Variants in STAMBP observed in about 807,000 individuals in gnomAD.
STAMBP encodes the protein STAM-binding protein.
Under a neutral mutation model 50.7 loss-of-function variants are expected in STAMBP, and 31 were observed. That is an observed-to-expected ratio of 0.61 (90% confidence interval 0.46 to 0.83). STAMBP has a LOEUF of 0.83. STAMBP is among the 40% of genes least tolerant of loss of function. The pLI, the probability that STAMBP is intolerant of heterozygous loss-of-function variation, is 0.00. For synonymous variants in STAMBP, 211 were observed against 192.4 expected (o/e 1.10, Z -0.80); for missense variants, 472 against 518.9 (o/e 0.91, Z 0.88).
chr2:73,843,226 C>T (rs1675637148), intron 2 of STAMBP, among the ~76,000 whole-genome samples: 1 of 134,374 alleles, frequency 7.4e-6, no homozygotes, highest in Non-Finnish European at 1.5e-5. Context: ...GAGATAGGAT[C>T]TCCCTCTGTC....
chr2:73,833,527 A>T (rs1388923095), intron 2 of STAMBP, among the ~76,000 whole-genome samples: 1 of 152,152 alleles, frequency 6.6e-6, no homozygotes, highest in Non-Finnish European at 1.5e-5. Flanking sequence ...TAGAAAGAAT[A>T]TTCTTATGTA....
At chr2:73,859,510 T>A in intron 8 of STAMBP, 144 bp downstream of exon 8, 3 of 648,188 alleles carry the variant, frequency 4.6e-6, no homozygotes, top group Non-Finnish European at 8.3e-6. Flanking sequence ...AAGGGCTTCC[T>A]TTTAAGCCCC....
intron 8 of STAMBP, 53 bp downstream of exon 8, chr2:73,859,419 A>C: frequency 7.2e-7 from 1 of 1,392,964 alleles, no homozygotes; most frequent in Non-Finnish European, 1.0e-6. Flanking sequence ...TAGGGAAGAA[A>C]GCCTCAGGGG....
chr2:73,836,055 C>T (rs1052667119), intron 2 of STAMBP, among the ~76,000 whole-genome samples: 1 of 151,712 alleles, frequency 6.6e-6, no homozygotes, highest in Admixed American at 6.6e-5. Flanking sequence ...AGCAGTGGTG[C>T]GCTGTTTTTC....
intron 7 of STAMBP, among the ~76,000 whole-genome samples, chr2:73,857,246 C>T (rs1221577859): frequency 6.6e-6 from 1 of 152,158 alleles, no homozygotes; most frequent in Non-Finnish European, 1.5e-5. Flanking sequence ...GTCTTGATGC[C>T]TTCTCGCATC....
At position 73,847,519 on chromosome 2, in the gene STAMBP, C is replaced by G; in HGVS notation, c.508C>G (p.Arg170Gly). The part of the protein sequence containing the change: ...EQFHAFEEMI[R>G]NQELEKERLK... ...GTTCCATGCCTTCGAGGAGATGATCCGGAACCAGGAGCTAGAAAAAGAGCG... is the reference window on the plus strand; with the variant it reads ...GTTCCATGCCTTCGAGGAGATGATCGGGAACCAGGAGCTAGAAAAAGAGCG... Residue 170 changes from arginine (R) to glycine (G), a missense_variant, in exon 5 of 10, where the codon CGG (arginine) becomes GGG (glycine). Arg to Gly is a moderately radical substitution (Grantham distance 125). Transcript: ENST00000394070. 6.2e-7 allele frequency: 1 copy of G among 1,614,102 alleles called. No individual in the cohort carries two copies. The highest frequency in any genetic ancestry group is 8.5e-7 in the Non-Finnish European group (1 of 1,180,024).
At chr2:73,834,893 T>C (rs1368724365) in intron 2 of STAMBP, among the ~76,000 whole-genome samples, 1 of 152,102 alleles carries the variant, frequency 6.6e-6, no homozygotes, top group Non-Finnish European at 1.5e-5. Context: ...AAGATCATTG[T>C]GTTTGGAGTA....
intron 2 of STAMBP, among the ~76,000 whole-genome samples, chr2:73,843,023 T>C (rs1287717593): frequency 1.3e-5 from 2 of 152,176 alleles, no homozygotes; most frequent in Admixed American, 1.3e-4. Flanking sequence ...AATATGTATC[T>C]TGGCTTTTGG....
intron 2 of STAMBP, among the ~76,000 whole-genome samples, chr2:73,838,216 G>T (rs1204213792): frequency 6.6e-6 from 1 of 152,132 alleles, no homozygotes; most frequent in Non-Finnish European, 1.5e-5. Flanking sequence ...GGTTTTGTAG[G>T]CTACTTGCTG....
At chr2:73,840,515 G>A (rs760917043) in intron 2 of STAMBP, among the ~76,000 whole-genome samples, 10 of 151,568 alleles carry the variant, frequency 6.6e-5, no homozygotes, top group South Asian at 2.1e-4. Context: ...AGGCTGACGC[G>A]GGCAGATCAC....
intron 2 of STAMBP, among the ~76,000 whole-genome samples, chr2:73,833,224 A>G (rs1171786483): frequency 6.6e-6 from 1 of 152,228 alleles, no homozygotes; most frequent in African/African-American, 2.4e-5. Flanking sequence ...AGACTCAGCT[A>G]TTTGTTACAC....
intron 7 of STAMBP, chr2:73,855,603 A>G (rs1043430667): frequency 8.8e-6 from 4 of 455,984 alleles, no homozygotes; most frequent in Non-Finnish European, 1.8e-5. Context: ...AGCAGCCTAA[A>G]GGATTATATT....
rs1425036810 is a variant in STAMBP, at chr2:73,844,838, C to T, written c.229C>T (p.His77Tyr). ...ITLFIEKLPK[H>Y]RDYKSAVIPE... ...GCTCTTTATTGAGAAACTACCAAAA[C>T]ATCGAGATTACAAATCTGCTGTCAT... The change falls in exon 3 of 10, where the codon CAT becomes TAT. Residue 77 changes from histidine to tyrosine, a missense_variant. Physicochemically the swap from His to Tyr is moderately conservative, Grantham distance 83. Coordinates refer to ENST00000394070, the MANE Select transcript of STAMBP (RefSeq NM_213622.4). 1 of 1,614,036 alleles carries T rather than the reference C, an allele frequency of 6.2e-7. No homozygotes were observed. Among genetic ancestry groups the T allele is most frequent in the Non-Finnish European group, 8.5e-7 (1 of 1,179,966 alleles).
chr2:73,872,920 G>A lies in STAMBP; in HGVS notation c.*46-432G>A, dbSNP rs570129915. On this transcript the variant is annotated intron_variant, in intron 10 of 10. Coordinates refer to the STAMBP transcript ENST00000409707. Reference sequence around the variant, plus strand: ...AACCGTGATTACTTACATTCCTACCGTGGATGGGCCGTAGGATGTATGATG... The same window carrying A: ...AACCGTGATTACTTACATTCCTACCATGGATGGGCCGTAGGATGTATGATG... Among the ~76,000 whole-genome samples, 5 of 152,310 alleles carry A rather than the reference G, an allele frequency of 3.3e-5. No homozygotes were observed. In the East Asian group the frequency reaches 5.8e-4, roughly 18 times the overall value.
At position 73,852,827 on chromosome 2, in the gene STAMBP, G is replaced by A. The variant is rs546084279; in HGVS notation, c.1005+2314G>A. ...TGAGTAGCTGTGATTACAGGTACCC[G>A]CCACTATGCCTGGCTAATTGTGTGT... On this transcript the variant is annotated intron_variant, in intron 7 of 9. Transcript: ENST00000394070. Among the ~76,000 whole-genome samples, 188 of 148,388 alleles carry A rather than the reference G, an allele frequency of 1.3e-3. 1 individual carries two copies. The highest frequency in any genetic ancestry group is 1.2e-3 in the Non-Finnish European group (82 of 67,550).
In STAMBP at chr2:73,850,815, G is replaced by T. The variant is rs1166122001; in HGVS notation, c.1005+302G>T. Reference sequence around the variant, plus strand: ...GGGATGCTGGCCTAGAATATAAGTGGACATTGACCTTAGAGACTATGCCTA... The same window carrying T: ...GGGATGCTGGCCTAGAATATAAGTGTACATTGACCTTAGAGACTATGCCTA... On this transcript the variant is annotated intron_variant, in intron 7 of 9. Transcript: ENST00000394070. The surrounding 1 kb of genome is among the most constrained non-coding windows in gnomAD (Gnocchi z 4.3). 6.6e-6 allele frequency among the ~76,000 whole-genome samples: 1 copy of T among 152,130 alleles called. No homozygotes were observed. Among genetic ancestry groups the T allele is most frequent in the Non-Finnish European group, 1.5e-5 (1 of 68,024 alleles).
rs1328453048 is a variant in STAMBP at position 73,830,975 on chromosome 2, G to T, written c.119G>T (p.Gly40Val). 3.1e-6 allele frequency: 5 copies of T among 1,614,092 alleles called. No homozygotes were observed. Among genetic ancestry groups the T allele is most frequent in the Non-Finnish European group, 4.2e-6 (5 of 1,180,054 alleles). The change falls in exon 2 of 10, where the codon GGA (glycine) becomes GTA (valine). Residue 40 changes from glycine (G) to valine (V), a missense_variant. Physicochemically the swap from Gly to Val is moderately radical, Grantham distance 109. Transcript: ENST00000394070. ...CCACCCCGTCGGTACTTCCGCTCTGGAGTTGAGATTATCCGAATGGCATCC... is the reference window on the plus strand; with the variant it reads ...CCACCCCGTCGGTACTTCCGCTCTGTAGTTGAGATTATCCGAATGGCATCC... ...DIPPRRYFRS[G>V]VEIIRMASIY...
At chr2:73,862,086 G>A (rs1336167173) in intron 9 of STAMBP, 117 bp from the exon 10 acceptor site, 11 of 715,426 alleles carry the variant, frequency 1.5e-5, no homozygotes, top group Middle Eastern at 3.4e-4. Flanking sequence ...GCAGTGAGCC[G>A]AGATCGTGCC....
chr2:73,844,364 T>C (rs79679639), intron 2 of STAMBP, among the ~76,000 whole-genome samples: 5,434 of 152,244 alleles, frequency 0.036, 125 homozygotes, highest in Non-Finnish European at 0.056. Flanking sequence ...AAAGCCAAAG[T>C]TAAAGGTTAC....
Sources: gnomAD v4.1 joint callset for allele counts (sites outside exome capture counted in the v4.1 genomes callset) on GRCh38, gnomAD v4.1.1 for gene constraint, Gnocchi (gnomAD v3.1) non-coding constraint, MANE v1.5 for transcripts, NCBI Gene and HGNC (gene_info 2026-07-23, HGNC 2026-07-21) for gene names.